Variants in NRG3 observed in about 807,000 individuals in gnomAD.
NRG3 encodes pro-neuregulin-3, membrane-bound isoform.
A neutral mutation model predicts 66.9 loss-of-function variants in NRG3; 31 were observed. The observed-to-expected ratio is 0.46, with a 90% CI of 0.35 to 0.63. NRG3 has a LOEUF of 0.63. NRG3 is among the 20% of genes least tolerant of loss of function. The pLI is 0.00. For synonymous variants in NRG3, 393 were observed against 359.4 expected (o/e 1.09, Z -1.06); for missense variants, 910 against 878.9 (o/e 1.04, Z -0.45).
At chr10:82,565,736 C>T (rs1453475520) in intron 2 of NRG3, among the ~76,000 whole-genome samples, 1 of 151,952 alleles carries the variant, frequency 6.6e-6, no homozygotes, top group Admixed American at 6.6e-5. Flanking sequence ...TTGGTTTGGG[C>T]CGTATTAAAT....
chr10:82,196,572 G>T (rs2074460373), intron 1 of NRG3, among the ~76,000 whole-genome samples: 1 of 151,516 alleles, frequency 6.6e-6, no homozygotes, highest in African/African-American at 2.4e-5. Context: ...AGTCAACTAT[G>T]CTAAAAGGTA....
At chr10:82,753,058 A>G (rs934020324) in intron 3 of NRG3, among the ~76,000 whole-genome samples, 4 of 152,186 alleles carry the variant, frequency 2.6e-5, no homozygotes, top group Non-Finnish European at 4.4e-5. Flanking sequence ...ATGTACCTTT[A>G]TAGACCTTTG....
At chr10:82,205,500 A>T (rs1304725337) in intron 1 of NRG3, among the ~76,000 whole-genome samples, 1 of 152,178 alleles carries the variant, frequency 6.6e-6, no homozygotes, top group Non-Finnish European at 1.5e-5. Flanking sequence ...CAGGCTCAGT[A>T]AGAGGTATAT....
chr10:82,985,739 C>T lies in NRG3; in HGVS notation c.*134C>T. The T allele has an allele frequency of 2.1e-6, 2 of 949,912 alleles. No individual in the cohort carries two copies. The highest frequency in any genetic ancestry group is 2.5e-5 in the East Asian group (1 of 39,380). The allele number at this position is 949,912 out of a possible 1,614,324, so 58.8% of individuals were successfully genotyped here. ...ACCAAATAGTCTATCGCCCTCATAT[C>T]ATAGTGTTTTTTAACAAAATATTTT... On this transcript the variant is annotated 3_prime_UTR_variant, in exon 9 of 9. Coordinates refer to ENST00000372141, the MANE Select transcript of NRG3 (RefSeq NM_001010848.4).
chr10:82,017,886 G>C (rs1429188788), intron 1 of NRG3, among the ~76,000 whole-genome samples: 1 of 152,090 alleles, frequency 6.6e-6, no homozygotes, highest in Non-Finnish European at 1.5e-5. Flanking sequence ...CCATTCTGTA[G>C]GTTGCCTGTT....
At chr10:82,579,014 G>T (rs2046199169) in intron 2 of NRG3, among the ~76,000 whole-genome samples, 1 of 151,820 alleles carries the variant, frequency 6.6e-6, no homozygotes, top group Non-Finnish European at 1.5e-5. Flanking sequence ...GATGCTTTGA[G>T]ATTTGCAATG....
At chr10:82,660,530 TG>T (rs1199133107) in intron 2 of NRG3, among the ~76,000 whole-genome samples, 1 of 152,182 alleles carries the variant, frequency 6.6e-6, no homozygotes, top group Non-Finnish European at 1.5e-5. Context: ...AAGACATTAA[TG>T]TAAAGTGGCA....
chr10:82,012,976 G>C (rs538169890), intron 1 of NRG3, among the ~76,000 whole-genome samples: 1 of 152,250 alleles, frequency 6.6e-6, no homozygotes, highest in South Asian at 2.1e-4. Context: ...AACTCTGCCT[G>C]TTACCCAGTT....
intron 1 of NRG3, among the ~76,000 whole-genome samples, chr10:82,052,433 A>G (rs1225090400): frequency 6.6e-6 from 1 of 152,114 alleles, no homozygotes; most frequent in African/African-American, 2.4e-5. Context: ...TGGTCACCAG[A>G]GATGCAGGAG....
intron 1 of NRG3, among the ~76,000 whole-genome samples, chr10:82,339,088 G>T (rs746382969): frequency 7.2e-5 from 11 of 152,176 alleles, no homozygotes; most frequent in Non-Finnish European, 1.6e-4. Context: ...AGAAGATTTG[G>T]AGAACAATGT....
chr10:82,291,360 G>T (rs2079736298), intron 1 of NRG3, among the ~76,000 whole-genome samples: 1 of 152,086 alleles, frequency 6.6e-6, no homozygotes, highest in African/African-American at 2.4e-5. Flanking sequence ...TAAATAATTG[G>T]AGAGACATAT....
intron 4 of NRG3, among the ~76,000 whole-genome samples, chr10:82,906,355 A>G (rs1337604158): frequency 6.6e-6 from 1 of 152,202 alleles, no homozygotes. Context: ...ACCTTGTGGC[A>G]TAAGATCACA....
chr10:82,543,555 T>A (rs897396175), intron 2 of NRG3, among the ~76,000 whole-genome samples: 1 of 152,178 alleles, frequency 6.6e-6, no homozygotes, highest in Non-Finnish European at 1.5e-5. Flanking sequence ...AATTCTTATA[T>A]TGAATTTACA....
chr10:82,832,935 G>A (rs2453688), intron 3 of NRG3, among the ~76,000 whole-genome samples: 39,098 of 151,758 alleles, frequency 0.26, 5,535 homozygotes, highest in African/African-American at 0.36. Context: ...CTCACAAAGC[G>A]AGTACAAACC....
At chr10:82,146,021 G>A (rs1038189306) in intron 1 of NRG3, among the ~76,000 whole-genome samples, 1 of 152,130 alleles carries the variant, frequency 6.6e-6, no homozygotes, top group Non-Finnish European at 1.5e-5. Flanking sequence ...GCTGGGAGTG[G>A]CTGACAGAAA....
chr10:82,471,147 C>T (rs1841215743), intron 2 of NRG3, among the ~76,000 whole-genome samples: 1 of 152,122 alleles, frequency 6.6e-6, no homozygotes, highest in Non-Finnish European at 1.5e-5. Flanking sequence ...GTGAGAAGGG[C>T]AGGCTTTATT....
At chr10:82,315,742 T>C (rs1047461471) in intron 1 of NRG3, among the ~76,000 whole-genome samples, 6 of 151,188 alleles carry the variant, frequency 4.0e-5, no homozygotes, top group African/African-American at 1.5e-4. Context: ...GTCGGCTCGC[T>C]GCAACCTCCG....
At chr10:82,810,329 G>T (rs778915167) in intron 3 of NRG3, among the ~76,000 whole-genome samples, 11 of 152,286 alleles carry the variant, frequency 7.2e-5, no homozygotes, top group Middle Eastern at 3.4e-3. Flanking sequence ...AGTTGTGAAT[G>T]ATTTAGCAGT....
intron 3 of NRG3, among the ~76,000 whole-genome samples, chr10:82,854,092 G>A (rs1233231336): frequency 1.3e-5 from 2 of 152,172 alleles, no homozygotes; most frequent in African/African-American, 4.8e-5. Context: ...CTATTGGAAA[G>A]GCACTAGAGG....
Sources: allele counts gnomAD v4.1 joint callset (sites outside exome capture counted in the v4.1 genomes callset), GRCh38; gene constraint gnomAD v4.1.1; transcripts MANE v1.5; gene names NCBI Gene and HGNC (gene_info 2026-07-23, HGNC 2026-07-21).